The following NFIB variants were observed in gnomAD, a reference collection of about 807,000 sequenced individuals.
NFIB encodes nuclear factor 1 B-type.
A neutral mutation model predicts 61.5 loss-of-function variants in NFIB; 11 were observed. That is an observed-to-expected ratio of 0.18 (90% confidence interval 0.11 to 0.30). The LOEUF (loss-of-function observed/expected upper bound fraction) is 0.30, where lower values mean the gene tolerates loss of function less well. Ranked by LOEUF, NFIB falls within the 10% of genes least tolerant of loss-of-function variation. The pLI, the probability that NFIB is intolerant of heterozygous loss-of-function variation, is 1.00. For synonymous variants in NFIB, 260 were observed against 216.5 expected (o/e 1.20, Z -1.76); for missense variants, 471 against 608.9 (o/e 0.77, Z 2.38).
chr9:14,318,837 G>T (rs970829593), upstream of NFIB, among the ~76,000 whole-genome samples: 4 of 152,104 alleles, frequency 2.6e-5, no homozygotes, highest in Non-Finnish European at 5.9e-5. Flanking sequence ...GCCTGTACTT[G>T]ATGAGAATTG....
At chr9:14,442,470 T>C in the NFIB span, among the ~76,000 whole-genome samples, 1 of 152,180 alleles carries the variant, frequency 6.6e-6, no homozygotes, top group Non-Finnish European at 1.5e-5. Flanking sequence ...AACAAAGCAC[T>C]ACCACTGGGT....
chr9:14,270,313 T>C (rs569024237), intron 2 of NFIB, among the ~76,000 whole-genome samples: 1 of 152,244 alleles, frequency 6.6e-6, no homozygotes, highest in South Asian at 2.1e-4. Flanking sequence ...TAAACATTCC[T>C]GGAAGCTTTT....
intron 6 of NFIB, among the ~76,000 whole-genome samples, chr9:14,127,396 C>T (rs919589714): frequency 1.3e-5 from 2 of 152,054 alleles, no homozygotes; most frequent in African/African-American, 4.8e-5. Context: ...GTAATGAATC[C>T]TCACGTACCG....
At chr9:14,348,962 A>G (rs1297367436) in intron 1 of NFIB, among the ~76,000 whole-genome samples, 1 of 152,188 alleles carries the variant, frequency 6.6e-6, no homozygotes, top group South Asian at 2.1e-4. Flanking sequence ...TTGCGCTCCA[A>G]CACCCGGCAC....
chr9:14,371,107 C>A (rs892315884), intron 1 of NFIB, among the ~76,000 whole-genome samples: 17 of 150,566 alleles, frequency 1.1e-4, no homozygotes, highest in African/African-American at 3.6e-4. Flanking sequence ...AAAAACCAAA[C>A]CAAAACAAAA....
At chr9:14,388,143 T>G (rs1224787280) in intron 1 of NFIB, among the ~76,000 whole-genome samples, 2 of 152,172 alleles carry the variant, frequency 1.3e-5, no homozygotes, top group African/African-American at 4.8e-5. Context: ...AAAAGTATTA[T>G]AGGATACTAC....
At chr9:14,515,087 C>T in the NFIB span, among the ~76,000 whole-genome samples, 1 of 152,040 alleles carries the variant, frequency 6.6e-6, no homozygotes, top group African/African-American at 2.4e-5. Flanking sequence ...TATTGCACTG[C>T]AGCTAGAATT....
intron 2 of NFIB, among the ~76,000 whole-genome samples, chr9:14,184,039 C>T (rs2047083424): frequency 6.6e-6 from 1 of 152,178 alleles, no homozygotes; most frequent in South Asian, 2.1e-4. Context: ...CTTTTCAATC[C>T]TTTCGTCCAC....
the NFIB span, among the ~76,000 whole-genome samples, chr9:14,502,466 A>G: frequency 6.6e-6 from 1 of 152,224 alleles, no homozygotes; most frequent in African/African-American, 2.4e-5. Flanking sequence ...GAAATCTAAT[A>G]GTGCATTGGA....
Position 14,085,339 on chromosome 9 carries a change from T to A in NFIB, c.*2970A>T, listed in dbSNP as rs1010547765. 8.9e-6 allele frequency: 2 copies of A among 225,484 alleles called. No homozygotes were observed. Among genetic ancestry groups the A allele is most frequent in the Admixed American group, 1.1e-4 (2 of 17,518 alleles). The allele number at this position is 225,484 out of a possible 1,614,324, so 14.0% of individuals were successfully genotyped here. The stretch of plus-strand genomic sequence containing the variant: ...ACAGCCTACCATGTGTCACCAATTC[T>A]GAAAGATTTTCCTTCTAGTAATGAA... On this transcript the variant is annotated 3_prime_UTR_variant, in exon 11 of 11. Coordinates refer to ENST00000380953, the MANE Select transcript of NFIB (RefSeq NM_001190737.2).
chr9:14,136,859 C>G (rs1352466295), intron 6 of NFIB, among the ~76,000 whole-genome samples: 1 of 152,154 alleles, frequency 6.6e-6, no homozygotes, highest in Non-Finnish European at 1.5e-5. Flanking sequence ...GCACAATATT[C>G]TGTTGCTCTT....
chr9:14,136,691 A>C (rs1236461052), intron 6 of NFIB, among the ~76,000 whole-genome samples: 1 of 152,208 alleles, frequency 6.6e-6, no homozygotes, highest in Non-Finnish European at 1.5e-5. Context: ...AGTCCTATAA[A>C]TGATCTGGAA....
the NFIB span, among the ~76,000 whole-genome samples, chr9:14,466,064 G>A: frequency 1.3e-5 from 2 of 152,042 alleles, no homozygotes; most frequent in African/African-American, 4.8e-5. Flanking sequence ...TCCTGTGAGC[G>A]GCTTAGTGAG....
At chr9:14,513,798 G>T in the NFIB span, among the ~76,000 whole-genome samples, 2 of 151,998 alleles carry the variant, frequency 1.3e-5, no homozygotes, top group African/African-American at 4.8e-5. Flanking sequence ...GTGACCTTAA[G>T]CAAGTTACTT....
the NFIB span, among the ~76,000 whole-genome samples, chr9:14,433,119 C>T: frequency 6.6e-6 from 1 of 151,982 alleles, no homozygotes; most frequent in Admixed American, 6.6e-5. Context: ...GCAGTAAAAC[C>T]TCATTATAAC....
intron 1 of NFIB, among the ~76,000 whole-genome samples, chr9:14,342,444 G>A (rs928412849): frequency 2.0e-5 from 3 of 151,914 alleles, no homozygotes; most frequent in African/African-American, 7.3e-5. Flanking sequence ...AGGAAGGAAG[G>A]AAGACGGGAG....
intron 2 of NFIB, among the ~76,000 whole-genome samples, chr9:14,281,388 G>A (rs33917322): frequency 0.26 from 38,830 of 152,046 alleles, 5,696 homozygotes; most frequent in East Asian, 0.32. Context: ...GGAGAGACAC[G>A]TAACTCAAGC....
chr9:14,419,359 C>T, the NFIB span, among the ~76,000 whole-genome samples: 2 of 150,888 alleles, frequency 1.3e-5, no homozygotes, highest in Non-Finnish European at 2.9e-5. Flanking sequence ...GTGAGCCTTG[C>T]AGATTCAGGG....
At chr9:14,224,314 T>C (rs928633428) in intron 2 of NFIB, among the ~76,000 whole-genome samples, 1 of 152,200 alleles carries the variant, frequency 6.6e-6, no homozygotes, top group Admixed American at 6.5e-5. Flanking sequence ...TCCCTAATAT[T>C]GGAAGACCAT....
Sources: gnomAD v4.1 joint callset for allele counts (sites outside exome capture counted in the v4.1 genomes callset) on GRCh38, gnomAD v4.1.1 for gene constraint, MANE v1.5 for transcripts, NCBI Gene and HGNC (gene_info 2026-07-23, HGNC 2026-07-21) for gene names.